SMAD7: variants seen among roughly 807,000 people sequenced by gnomAD.
SMAD7 encodes the protein SMAD family member 7.
In SMAD7, 8 loss-of-function variants were observed where a neutral mutation model predicts 38.7. The ratio of observed to expected loss-of-function variants is 0.21; its 90% CI spans 0.12 to 0.37. The LOEUF (loss-of-function observed/expected upper bound fraction) is 0.37. SMAD7 is among the 10% of genes least tolerant of loss of function. SMAD7 has a pLI of 1.00. For synonymous variants in SMAD7, 327 were observed against 265.1 expected (o/e 1.23, Z -2.27); for missense variants, 477 against 577.9 (o/e 0.83, Z 1.79).
chr18:48,936,379 T>C (rs995216002), intron 3 of SMAD7, among the ~76,000 whole-genome samples: 2 of 152,212 alleles, frequency 1.3e-5, no homozygotes, highest in African/African-American at 4.8e-5. Flanking sequence ...ACTTAAAATG[T>C]GCCACCAATG....
At position 48,942,411 on chromosome 18, in the gene SMAD7, C is replaced by T. The variant is rs1049592631; in HGVS notation, c.742+70G>A. On this transcript the variant is annotated intron_variant, in intron 3 of 3. Coordinates refer to ENST00000262158, the MANE Select transcript of SMAD7 (RefSeq NM_005904.4). The stretch of plus-strand genomic sequence containing the variant: ...CAGCTGGGGTGGCAGAAGGCCACCC[C>T]CATTCCTCCAGTCTTTAGCAATTTC... 1.7e-5 allele frequency: 18 copies of T among 1,082,610 alleles called. No individual in the cohort carries two copies. The Middle Eastern group carries it at 1.2e-3, about 72-fold the overall frequency. 67.1% of individuals were successfully genotyped at this position (1,082,610 alleles called of 1,614,324 possible).
chr18:48,950,521 C>A lies in SMAD7; in HGVS notation c.-97G>T. 5 of 1,234,592 alleles carry A rather than the reference C, an allele frequency of 4.0e-6. No homozygotes were observed. The highest frequency in any genetic ancestry group is 5.4e-6 in the Non-Finnish European group (5 of 923,558). 76.5% of individuals were successfully genotyped at this position (1,234,592 alleles called of 1,614,324 possible). ...GAAGTCGGGCGCCGAGTTGGGGCAG[C>A]AGGCGCAGGCGACAGCAGCAGCAGC... On this transcript the variant is annotated 5_prime_UTR_variant, in exon 1 of 4. Transcript: ENST00000262158.
chr18:48,921,520 T>C lies in SMAD7; in HGVS notation c.1133A>G (p.Gln378Arg), dbSNP rs2069860053. 3 of 1,614,242 alleles carry C rather than the reference T, an allele frequency of 1.9e-6. No homozygotes were observed. Among genetic ancestry groups the C allele is most frequent in the Middle Eastern group, 1.6e-4 (1 of 6,062 alleles). Residue 378 changes from glutamine (Q) to arginine (R), a missense_variant, in exon 4 of 4, where the codon CAG (glutamine) becomes CGG (arginine). Gln to Arg is a conservative substitution (Grantham distance 43). Coordinates refer to ENST00000262158, the MANE Select transcript of SMAD7 (RefSeq NM_005904.4). This position sits in a 1 kb window ranked among gnomAD's most constrained non-coding sequence, Gnocchi z 6.4. Reference sequence around the variant, plus strand: ...CATAAACTCGTGGTCATTGGGCCGCTGCAGGCTGTACGCCTTCTCGTAGTC... The same window carrying C: ...CATAAACTCGTGGTCATTGGGCCGCCGCAGGCTGTACGCCTTCTCGTAGTC... The part of the protein sequence containing the change: ...AFDYEKAYSL[Q>R]RPNDHEFMQQ...
In SMAD7 at chr18:48,949,807, C is replaced by T. The variant is rs750441823; in HGVS notation, c.613+5G>A. ...AATGTTGGGGGTAGGGGGACAACTTCTCACCTAGTTCGCAGAGTCGGCTAA... is the reference window on the plus strand; with the variant it reads ...AATGTTGGGGGTAGGGGGACAACTTTTCACCTAGTTCGCAGAGTCGGCTAA... On this transcript the variant is annotated splice_donor_5th_base_variant and intron_variant, in intron 1 of 3. Transcript: ENST00000262158. 1 of 1,601,464 alleles carries T rather than the reference C, an allele frequency of 6.2e-7. No homozygotes were observed. The highest frequency in any genetic ancestry group is 2.3e-5 in the East Asian group (1 of 44,166).
Position 48,921,028 on chromosome 18 carries a change from TCACA to T in SMAD7, c.*340_*343del, listed in dbSNP as rs765119352. On this transcript the variant is annotated 3_prime_UTR_variant, in exon 4 of 4. Coordinates refer to ENST00000262158, the MANE Select transcript of SMAD7 (RefSeq NM_005904.4). The surrounding 1 kb of genome is among the most constrained non-coding windows in gnomAD (Gnocchi z 6.4). ...TGCACACACAGCCGCACACTCACAC[TCACA>T]CACACTCCTGACAAGTGAAATGATG... 2.0e-3 allele frequency: 597 copies of T among 302,282 alleles called. 12 individuals are homozygous for T. Among genetic ancestry groups the T allele is most frequent in the Non-Finnish European group, 2.5e-3 (393 of 160,368 alleles). The allele number at this position is 302,282 out of a possible 1,614,324, so 18.7% of individuals were successfully genotyped here.
At chr18:48,932,601 G>T (rs1200328515) in intron 3 of SMAD7, among the ~76,000 whole-genome samples, 1 of 152,122 alleles carries the variant, frequency 6.6e-6, no homozygotes, top group Non-Finnish European at 1.5e-5. Context: ...TTCAATTAGT[G>T]AACTCCACAG....
intron 2 of SMAD7, among the ~76,000 whole-genome samples, chr18:48,943,743 A>G (rs1035013598): frequency 1.3e-5 from 2 of 152,206 alleles, no homozygotes; most frequent in African/African-American, 4.8e-5. Context: ...GGCAAATAGG[A>G]AAGCCAAAAA....
chr18:48,948,751 C>G (rs1388433484), intron 1 of SMAD7, among the ~76,000 whole-genome samples: 2 of 152,250 alleles, frequency 1.3e-5, no homozygotes, highest in African/African-American at 4.8e-5. Flanking sequence ...GACCATGCCC[C>G]CTCCCCGTCC....
At chr18:48,937,465 C>G (rs1478740062) in intron 3 of SMAD7, among the ~76,000 whole-genome samples, 1 of 152,154 alleles carries the variant, frequency 6.6e-6, no homozygotes, top group African/African-American at 2.4e-5. Flanking sequence ...GGCAGAGCAG[C>G]CCAAATTTGC....
At chr18:48,949,383 G>T in intron 1 of SMAD7, 3 of 543,208 alleles carry the variant, frequency 5.5e-6, no homozygotes, top group Non-Finnish European at 7.1e-6. Context: ...GCCTCTCCCA[G>T]CCTTCCTTGG....
At chr18:48,948,212 C>CA (rs1402694201) in intron 2 of SMAD7, among the ~76,000 whole-genome samples, 172 bp downstream of exon 2, 3 of 152,128 alleles carry the variant, frequency 2.0e-5, no homozygotes, top group Non-Finnish European at 4.4e-5. Flanking sequence ...GCAAAAACAG[C>CA]AAAAAACCCA....
chr18:48,933,953 C>A (rs2070033716), intron 3 of SMAD7, among the ~76,000 whole-genome samples: 2 of 152,168 alleles, frequency 1.3e-5, no homozygotes, highest in Admixed American at 1.3e-4. Flanking sequence ...GGAGAGCGGG[C>A]CAGCCACACA....
intron 3 of SMAD7, among the ~76,000 whole-genome samples, chr18:48,922,836 C>T (rs2069878782): frequency 6.6e-6 from 1 of 152,048 alleles, no homozygotes; most frequent in Non-Finnish European, 1.5e-5. Flanking sequence ...GCCCTCATCC[C>T]TCCCCTGCAG....
At position 48,950,260 on chromosome 18, in the gene SMAD7, CG is replaced by C; in HGVS notation, c.164del (p.Pro55ArgfsTer38). 1 of 1,518,672 alleles carries C rather than the reference CG, an allele frequency of 6.6e-7. No individual in the cohort carries two copies. Among genetic ancestry groups the C allele is most frequent in the Non-Finnish European group, 8.8e-7 (1 of 1,136,132 alleles). 94.1% of individuals were successfully genotyped at this position (1,518,672 alleles called of 1,614,324 possible). A position where few individuals can be genotyped will look rare whatever the true frequency, so the allele number is the denominator to read the frequency against. On this transcript the variant is annotated frameshift_variant, in exon 1 of 4. Coordinates refer to ENST00000262158, the MANE Select transcript of SMAD7 (RefSeq NM_005904.4). LOFTEE classifies it high-confidence loss of function. ...TGCCCAGGCAGCATCCAGCCCTGCC[CG>C]GGCCGCCGCCACCGGCCCCATGCGC... ...SRAHGAGGGG[P>X]GRAGCCLGKA... is the part of the protein sequence containing the mutation.
At chr18:48,923,651 C>A (rs2069890938) in intron 3 of SMAD7, among the ~76,000 whole-genome samples, 1 of 152,154 alleles carries the variant, frequency 6.6e-6, no homozygotes, top group Non-Finnish European at 1.5e-5. Context: ...CCAAAAGCTC[C>A]ACAAAAAGGG....
intron 3 of SMAD7, among the ~76,000 whole-genome samples, chr18:48,936,944 G>T (rs956963501): frequency 6.6e-6 from 1 of 152,082 alleles, no homozygotes; most frequent in Non-Finnish European, 1.5e-5. Flanking sequence ...AGCCGGGCGT[G>T]GTGGTGCACG....
At chr18:48,940,511 G>A (rs2070125141) in intron 3 of SMAD7, among the ~76,000 whole-genome samples, 1 of 152,184 alleles carries the variant, frequency 6.6e-6, no homozygotes, top group Non-Finnish European at 1.5e-5. Context: ...AGCACTTGGG[G>A]AGGAAAGGGT....
At chr18:48,940,677 G>T (rs551768066) in intron 3 of SMAD7, among the ~76,000 whole-genome samples, 9 of 152,276 alleles carry the variant, frequency 5.9e-5, no homozygotes, top group African/African-American at 1.9e-4. Flanking sequence ...GCTTGAACCT[G>T]GGAGGTGGAG....
chr18:48,950,376 G>A lies in SMAD7; in HGVS notation c.49C>T (p.Arg17Cys), dbSNP rs919589647. 3.9e-6 allele frequency: 6 copies of A among 1,543,590 alleles called. No individual in the cohort carries two copies. Among genetic ancestry groups the A allele is most frequent in the Non-Finnish European group, 5.2e-6 (6 of 1,144,828 alleles). ...TCCTCGTCCTCGCCGCCGGGCGCAC[G>A]GCTCCTCCAGAGACGCCGGACGAGC... Reference protein sequence around the residue: ...SALVRRLWRSRAPGGEDEEEG... With the variant: ...SALVRRLWRSCAPGGEDEEEG... The change falls in exon 1 of 4, where the codon CGT (arginine) becomes TGT (cysteine). Residue 17 changes from arginine (R) to cysteine (C), a missense_variant. Arg to Cys is a radical substitution (Grantham distance 180). Around this residue, in one of 2 missense-constraint regions of SMAD7, gnomAD observed 376 missense variants for 379.4 expected, o/e 0.99. Transcript: ENST00000262158.
Sources: gnomAD v4.1 joint callset for allele counts (sites outside exome capture counted in the v4.1 genomes callset) on GRCh38, gnomAD v4.1.1 for gene constraint, gnomAD v4.1.1 regional missense constraint, Gnocchi (gnomAD v3.1) non-coding constraint, MANE v1.5 for transcripts, NCBI Gene and HGNC (gene_info 2026-07-23, HGNC 2026-07-21) for gene names.